Variants in RBFOX3 observed in about 807,000 individuals in gnomAD.
RBFOX3 encodes the protein RNA binding protein fox-1 homolog 3.
Under a neutral mutation model 48.7 loss-of-function variants are expected in RBFOX3, and 17 were observed. That is an observed-to-expected ratio of 0.35 (90% CI 0.24 to 0.52). The LOEUF (loss-of-function observed/expected upper bound fraction) is 0.52. Ranked by LOEUF, RBFOX3 falls within the 20% of genes least tolerant of loss-of-function variation. RBFOX3 has a pLI of 0.94. For missense variants in RBFOX3, 382 were observed against 497.5 expected (o/e 0.77, Z 2.21); for synonymous variants, 212 against 209.5 (o/e 1.01, Z -0.10).
chr17:79,120,295 C>A (rs372879480), intron 4 of RBFOX3, among the ~76,000 whole-genome samples: 1 of 151,974 alleles, frequency 6.6e-6, no homozygotes, highest in African/African-American at 2.4e-5. Flanking sequence ...GGTGGATGTA[C>A]GTACGTATGT....
intron 2 of RBFOX3, among the ~76,000 whole-genome samples, chr17:79,455,090 G>A (rs1598765841): frequency 6.6e-6 from 1 of 151,746 alleles, no homozygotes. Flanking sequence ...AGGCTGGACA[G>A]CGTCCCCCTC....
At chr17:79,301,182 C>T (rs939691506) in intron 3 of RBFOX3, among the ~76,000 whole-genome samples, 1 of 152,212 alleles carries the variant, frequency 6.6e-6, no homozygotes, top group Non-Finnish European at 1.5e-5. Context: ...CTCTGGGTCC[C>T]AGCCCATTTA....
chr17:79,393,968 A>T (rs1191936850), intron 2 of RBFOX3, among the ~76,000 whole-genome samples: 1 of 151,348 alleles, frequency 6.6e-6, no homozygotes, highest in African/African-American at 2.4e-5. Flanking sequence ...CACCACGCAC[A>T]TCGTCTGAGC....
intron 2 of RBFOX3, among the ~76,000 whole-genome samples, chr17:79,346,252 C>T (rs1313948629): frequency 1.3e-5 from 2 of 152,288 alleles, no homozygotes; most frequent in East Asian, 3.9e-4. Flanking sequence ...CATTTAACTA[C>T]TTCATCCACC....
intron 2 of RBFOX3, among the ~76,000 whole-genome samples, chr17:79,388,150 G>T (rs1398779337): frequency 6.6e-6 from 1 of 152,196 alleles, no homozygotes; most frequent in Admixed American, 6.5e-5. Context: ...GTGTGCATGT[G>T]TGTGTGCATG....
intron 3 of RBFOX3, among the ~76,000 whole-genome samples, chr17:79,295,373 A>C (rs2074166090): frequency 6.6e-6 from 1 of 152,200 alleles, no homozygotes; most frequent in Non-Finnish European, 1.5e-5. Flanking sequence ...TTTTGTAGGG[A>C]GAGCAGGAGG....
Position 79,439,972 on chromosome 17 carries a change from C to T in RBFOX3, c.-175+42482G>A, listed in dbSNP as rs371696771. 1.3e-4 allele frequency among the ~76,000 whole-genome samples: 20 copies of T among 152,286 alleles called. 1 individual carries two copies. Among genetic ancestry groups the T allele is most frequent in the African/African-American group, 4.3e-4 (18 of 41,572 alleles). ...TAGGAGAGGCGTCAGAGAAGGAGGA[C>T]GCAGGAATGGCATCAAGCGGCAGGG... is the stretch of plus-strand genomic sequence containing the variant. On this transcript the variant is annotated intron_variant, in intron 2 of 14. Transcript: ENST00000693108.
At chr17:79,426,424 C>A (rs1342278140) in intron 2 of RBFOX3, among the ~76,000 whole-genome samples, 1 of 152,204 alleles carries the variant, frequency 6.6e-6, no homozygotes, top group Non-Finnish European at 1.5e-5. Flanking sequence ...GAGGTGACAA[C>A]AATGAAGAGA....
chr17:79,092,066 A>C (rs2074022269), intron 14 of RBFOX3: 2 of 985,276 alleles, frequency 2.0e-6, no homozygotes, highest in Non-Finnish European at 2.4e-6. Context: ...GGCCGGGGAG[A>C]CCCACACTGG....
chr17:79,239,511 C>T (rs762568876), intron 3 of RBFOX3, among the ~76,000 whole-genome samples: 3 of 152,230 alleles, frequency 2.0e-5, no homozygotes, highest in Admixed American at 6.5e-5. Context: ...GAGCAAGACC[C>T]GCCTGCCAGG....
intron 13 of RBFOX3, 95 bp downstream of exon 13, chr17:79,095,418 G>T: frequency 8.7e-7 from 1 of 1,146,400 alleles, no homozygotes; most frequent in Non-Finnish European, 1.3e-6. Flanking sequence ...GGAAGAGTGG[G>T]TTACGCCTCC....
At chr17:79,596,445 C>T (rs1000444534) in intron 1 of RBFOX3, among the ~76,000 whole-genome samples, 5 of 152,050 alleles carry the variant, frequency 3.3e-5, no homozygotes, top group African/African-American at 7.2e-5. Flanking sequence ...CCAGGGCCTC[C>T]GGCACACCCT....
chr17:79,487,913 GA>G (rs60345819), intron 1 of RBFOX3, among the ~76,000 whole-genome samples: 1,386 of 76,896 alleles, frequency 0.018, 63 homozygotes, highest in African/African-American at 0.059. Context: ...CCCCATCTCA[GA>G]AAAAAAAAAA....
intron 4 of RBFOX3, among the ~76,000 whole-genome samples, chr17:79,227,941 C>T (rs1848842647): frequency 6.6e-6 from 1 of 152,216 alleles, no homozygotes; most frequent in Non-Finnish European, 1.5e-5. Flanking sequence ...ATAAAACCCA[C>T]CTTCTTTGTG....
intron 2 of RBFOX3, among the ~76,000 whole-genome samples, chr17:79,339,141 A>G (rs1197737483): frequency 6.6e-6 from 1 of 151,632 alleles, no homozygotes; most frequent in Non-Finnish European, 1.5e-5. Context: ...TGCCACCTCG[A>G]TCTTCCAGGC....
chr17:79,240,998 C>A (rs1276732394), intron 3 of RBFOX3, among the ~76,000 whole-genome samples: 3 of 146,484 alleles, frequency 2.0e-5, no homozygotes, highest in Non-Finnish European at 4.5e-5. Context: ...TTTTTTTGAG[C>A]AGGATCTTGC....
chr17:79,427,615 C>T (rs1555726262), intron 2 of RBFOX3, among the ~76,000 whole-genome samples: 1 of 152,248 alleles, frequency 6.6e-6, no homozygotes. Flanking sequence ...GCATTTCTCA[C>T]TCTTAACCGT....
chr17:79,095,617 G>A lies in RBFOX3; in HGVS notation c.937-43C>T, dbSNP rs1014979325. ...GGAGAGAGAGCAGAGGGACTTAGTGGGGCTCCCCAGGGAAAGGCTGAGTGG... is the reference window on the plus strand; with the variant it reads ...GGAGAGAGAGCAGAGGGACTTAGTGAGGCTCCCCAGGGAAAGGCTGAGTGG... On this transcript the variant is annotated intron_variant, in intron 12 of 14. Coordinates refer to ENST00000693108, the MANE Select transcript of RBFOX3 (RefSeq NM_001350451.2). The A allele has an allele frequency of 2.6e-6, 4 of 1,518,366 alleles. No homozygotes were observed. The Admixed American group carries it at 5.9e-5, about 22-fold the overall frequency. 94.1% of individuals were successfully genotyped at this position (1,518,366 alleles called of 1,614,324 possible).
intron 1 of RBFOX3, among the ~76,000 whole-genome samples, chr17:79,595,587 A>G (rs1184268862): frequency 6.6e-6 from 1 of 152,080 alleles, no homozygotes; most frequent in African/African-American, 2.4e-5. Context: ...CTTTTAACCA[A>G]TCCCCTGCTG....
Sources: allele counts gnomAD v4.1 joint callset (sites outside exome capture counted in the v4.1 genomes callset), GRCh38; gene constraint gnomAD v4.1.1; transcripts MANE v1.5; gene names NCBI Gene and HGNC (gene_info 2026-07-23, HGNC 2026-07-21).